CELF2: variants seen among roughly 807,000 people sequenced by gnomAD.
CELF2 encodes CUGBP Elav-like family member 2, also known as CUG triplet repeat RNA-binding protein 2.
Under a neutral mutation model 62.6 loss-of-function variants are expected in CELF2, and 8 were observed. That is an observed-to-expected ratio of 0.13 (90% confidence interval 0.07 to 0.23). The LOEUF is 0.23. CELF2 is among the 10% of genes least tolerant of loss of function. The pLI, the probability that CELF2 is intolerant of heterozygous loss-of-function variation, is 1.00. For missense variants in CELF2, 333 were observed against 671.0 expected, an observed-to-expected ratio of 0.50 and a Z score of 5.56; for synonymous variants, 258 against 250.0, an observed-to-expected ratio of 1.03 and a Z score of -0.30.
At chr10:11,109,329 A>G (rs878971459) in intron 1 of CELF2, among the ~76,000 whole-genome samples, 1 of 152,132 alleles carries the variant, frequency 6.6e-6, no homozygotes, top group Non-Finnish European at 1.5e-5. Flanking sequence ...TAGGACCCTA[A>G]TTTTGTTTCT....
chr10:10,633,749 T>G, the CELF2 span, among the ~76,000 whole-genome samples: 1 of 152,198 alleles, frequency 6.6e-6, no homozygotes, highest in African/African-American at 2.4e-5. Context: ...CTTCAAAAAT[T>G]TGACCCTTCT....
chr10:10,887,212 C>T (rs1304887964), intron 1 of CELF2, among the ~76,000 whole-genome samples: 1 of 151,898 alleles, frequency 6.6e-6, no homozygotes, highest in African/African-American at 2.4e-5. Context: ...GATACAGGCA[C>T]ATCATCCCGT....
chr10:11,054,367 C>A (rs555955549), intron 1 of CELF2, among the ~76,000 whole-genome samples: 24 of 152,174 alleles, frequency 1.6e-4, no homozygotes, highest in African/African-American at 5.8e-4. Flanking sequence ...GGCAATGGTT[C>A]CTAGACTTGG....
At chr10:10,587,111 C>T in the CELF2 span, among the ~76,000 whole-genome samples, 1 of 152,050 alleles carries the variant, frequency 6.6e-6, no homozygotes, top group South Asian at 2.1e-4. Context: ...TGTCTTTAAC[C>T]ACTTTGTCAT....
At chr10:11,186,118 G>T (rs758907632) in intron 2 of CELF2, among the ~76,000 whole-genome samples, 2 of 152,088 alleles carry the variant, frequency 1.3e-5, no homozygotes, top group Admixed American at 1.3e-4. Context: ...TCATAAAACT[G>T]TGTATAATCC....
At chr10:10,674,773 CTGTGCCACTTGTGTGAG>C in the CELF2 span, among the ~76,000 whole-genome samples, 3,331 of 152,100 alleles carry the variant, frequency 0.022, 92 homozygotes, top group African/African-American at 0.064. Context: ...TCAAATAACA[CTGTGCCACTTGTGTGAG>C]TGTGCCACTT....
At chr10:11,102,567 C>G (rs2052005023) in intron 1 of CELF2, among the ~76,000 whole-genome samples, 1 of 152,184 alleles carries the variant, frequency 6.6e-6, no homozygotes, top group South Asian at 2.1e-4. Flanking sequence ...GTCCTTGAAA[C>G]TCGGGGCCCT....
intron 4 of CELF2, among the ~76,000 whole-genome samples, chr10:11,249,405 C>T (rs536372105): frequency 2.0e-5 from 3 of 152,260 alleles, no homozygotes; most frequent in Admixed American, 2.0e-4. Context: ...TGATCTCTGG[C>T]GTAAAGATGT....
At chr10:10,687,011 C>G in the CELF2 span, among the ~76,000 whole-genome samples, 1 of 150,056 alleles carries the variant, frequency 6.7e-6, no homozygotes, top group African/African-American at 2.4e-5. Flanking sequence ...TGCTCCCTAA[C>G]CCTTGTTTCA....
chr10:11,128,557 T>C (rs148302206), intron 1 of CELF2, among the ~76,000 whole-genome samples: 7,090 of 152,208 alleles, frequency 0.047, 218 homozygotes, highest in Admixed American at 0.093. Flanking sequence ...TTTCATTGAG[T>C]GGTTGTTTGT....
At chr10:10,956,862 G>T (rs1027507374) in intron 2 of CELF2, among the ~76,000 whole-genome samples, 5 of 151,884 alleles carry the variant, frequency 3.3e-5, no homozygotes, top group African/African-American at 4.8e-5. Flanking sequence ...TGAGCCCAGG[G>T]AGTCAAGTCT....
At chr10:10,950,908 C>T (rs1282812487) in intron 2 of CELF2, among the ~76,000 whole-genome samples, 1 of 152,184 alleles carries the variant, frequency 6.6e-6, no homozygotes. Context: ...CCACAGAAAA[C>T]ACCTTGGCAG....
At chr10:11,200,999 C>T (rs2059098970) in intron 2 of CELF2, among the ~76,000 whole-genome samples, 1 of 152,212 alleles carries the variant, frequency 6.6e-6, no homozygotes, top group Non-Finnish European at 1.5e-5. Context: ...AAGGTGTTCT[C>T]ATCAAGAAAG....
chr10:10,838,226 G>A (rs1361372716), intron 1 of CELF2, among the ~76,000 whole-genome samples: 3 of 152,186 alleles, frequency 2.0e-5, no homozygotes, highest in Non-Finnish European at 4.4e-5. Flanking sequence ...ACTACACTGG[G>A]ATTATGGGTT....
chr10:10,865,219 A>G (rs1414185105), intron 1 of CELF2, among the ~76,000 whole-genome samples: 2 of 152,222 alleles, frequency 1.3e-5, no homozygotes, highest in African/African-American at 2.4e-5. Context: ...AAGGAAAAGT[A>G]TGGAAGGAAA....
chr10:10,602,555 T>C, the CELF2 span, among the ~76,000 whole-genome samples: 1 of 152,160 alleles, frequency 6.6e-6, no homozygotes, highest in African/African-American at 2.4e-5. Flanking sequence ...TCATTTTCAT[T>C]TCACGGATAC....
At chr10:10,945,835 T>C (rs926769240) in intron 2 of CELF2, among the ~76,000 whole-genome samples, 1 of 152,224 alleles carries the variant, frequency 6.6e-6, no homozygotes, top group Admixed American at 6.5e-5. Flanking sequence ...TTAATGATGT[T>C]GACAAATTTC....
At chr10:10,710,885 G>T in the CELF2 span, among the ~76,000 whole-genome samples, 1 of 152,166 alleles carries the variant, frequency 6.6e-6, no homozygotes, top group Admixed American at 6.5e-5. Flanking sequence ...TGGCCTAACA[G>T]AAAAATAAAC....
rs933266975 is a variant in CELF2, at chr10:11,296,643, C to G, written c.976+8091C>G. Among the ~76,000 whole-genome samples the G allele has an allele frequency of 3.3e-5, 5 of 151,970 alleles. No individual in the cohort carries two copies. The highest frequency in any genetic ancestry group is 7.4e-5 in the Non-Finnish European group (5 of 68,010). On this transcript the variant is annotated intron_variant, in intron 9 of 12. Coordinates refer to ENST00000633077, the MANE Select transcript of CELF2 (RefSeq NM_001326342.2). This position sits in a 1 kb window ranked among gnomAD's most constrained non-coding sequence, Gnocchi z 5.0. Reference sequence around the variant, plus strand: ...TCAGATGTGGTTTAATCCCGAGAACCCGTCACCATCAACTAGATGCATTGG... The same window carrying G: ...TCAGATGTGGTTTAATCCCGAGAACGCGTCACCATCAACTAGATGCATTGG...
Sources: allele counts gnomAD v4.1 joint callset (sites outside exome capture counted in the v4.1 genomes callset), GRCh38; gene constraint gnomAD v4.1.1; non-coding constraint Gnocchi (gnomAD v3.1); transcripts MANE v1.5; gene names NCBI Gene and HGNC (gene_info 2026-07-23, HGNC 2026-07-21).